The following NCKAP1 variants were observed in gnomAD, a reference collection of about 807,000 sequenced individuals.
NCKAP1 encodes the protein nck-associated protein 1.
Under a neutral mutation model 151.2 loss-of-function variants are expected in NCKAP1, and 21 were observed. The observed-to-expected ratio is 0.14, with a 90% confidence interval of 0.10 to 0.20. The LOEUF is 0.20. Ranked by LOEUF, NCKAP1 falls within the 10% of genes least tolerant of loss-of-function variation. The pLI, the probability that NCKAP1 is intolerant of heterozygous loss-of-function variation, is 1.00. For missense variants in NCKAP1, 933 were observed against 1,352.1 expected (o/e 0.69, Z 4.86); for synonymous variants, 484 against 451.8 (o/e 1.07, Z -0.90).
intron 6 of NCKAP1, among the ~76,000 whole-genome samples, chr2:182,996,913 C>T (rs953547427): frequency 9.8e-5 from 15 of 152,302 alleles, no homozygotes; most frequent in African/African-American, 2.4e-4. Context: ...GTGATTCTGA[C>T]GTAGCCAACT....
rs182395532 is a variant in NCKAP1 at position 183,030,940 on chromosome 2, G to A, written c.109-7024C>T. ...GTTATGATGTATATTTTGGCCAACC[G>A]ATCTGCTTTAAGTTAGCACTTTCCC... is the stretch of plus-strand genomic sequence containing the variant. On this transcript the variant is annotated intron_variant, in intron 1 of 30. Coordinates refer to ENST00000361354, the MANE Select transcript of NCKAP1 (RefSeq NM_013436.5). Among the ~76,000 whole-genome samples the A allele has an allele frequency of 1.1e-4, 17 of 152,130 alleles. No individual in the cohort carries two copies. The East Asian group carries it at 2.1e-3, about 19-fold the overall frequency.
intron 6 of NCKAP1, among the ~76,000 whole-genome samples, chr2:183,000,659 T>C (rs1405154933): frequency 6.6e-6 from 1 of 152,200 alleles, no homozygotes; most frequent in Non-Finnish European, 1.5e-5. Flanking sequence ...TGCAAACTAA[T>C]GATTCAACCA....
intron 19 of NCKAP1, 42 bp from the exon 20 acceptor site, chr2:182,956,635 C>A (rs1459765299): frequency 6.4e-7 from 1 of 1,553,302 alleles, no homozygotes; most frequent in Non-Finnish European, 8.7e-7. Context: ...CACATGTCAT[C>A]ACAGGCAATA....
In NCKAP1 at chr2:182,916,147, T is replaced by G. The variant is rs1051987992; in HGVS notation, c.*9555A>C. 6.9e-6 allele frequency: 1 copy of G among 144,934 alleles called. No individual in the cohort carries two copies. Among genetic ancestry groups the G allele is most frequent in the African/African-American group, 2.5e-5 (1 of 39,254 alleles). 9.0% of individuals were successfully genotyped at this position (144,934 alleles called of 1,614,324 possible). On this transcript the variant is annotated 3_prime_UTR_variant, in exon 31 of 31. Transcript: ENST00000361354. ...TTCCCTCTGCCATGTAAGAAGTACC[T>G]TGCTTCCCCTTCGCCTTCTGTCAAA...
intron 8 of NCKAP1, among the ~76,000 whole-genome samples, chr2:182,992,382 G>A (rs780582384): frequency 4.1e-4 from 62 of 152,258 alleles, no homozygotes; most frequent in Middle Eastern, 3.4e-3. Context: ...CCCATTAGGG[G>A]AGCCTGCTTC....
chr2:182,956,166 G>A (rs1372391852), intron 20 of NCKAP1, among the ~76,000 whole-genome samples: 3 of 152,046 alleles, frequency 2.0e-5, no homozygotes, highest in South Asian at 2.1e-4. Flanking sequence ...TCAGCCTCCC[G>A]AGTAGCTGGG....
intron 15 of NCKAP1, among the ~76,000 whole-genome samples, chr2:182,976,238 T>C (rs898517098): frequency 6.6e-6 from 1 of 152,240 alleles, no homozygotes; most frequent in Admixed American, 6.5e-5. Flanking sequence ...ACCAAGGTGT[T>C]AGGCTTGCAT....
Position 182,974,891 on chromosome 2 carries a change from A to G in NCKAP1, c.1482+2002T>C, listed in dbSNP as rs114404933. Among the ~76,000 whole-genome samples, 487 of 152,326 alleles carry G rather than the reference A, an allele frequency of 3.2e-3. 3 individuals carry two copies. The highest frequency in any genetic ancestry group is 0.011 in the African/African-American group (465 of 41,580). ...CTTAAAAAACTTTAAAAATCTACACATAGGAATAATCAGGTCTACATTCTT... is the reference window on the plus strand; with the variant it reads ...CTTAAAAAACTTTAAAAATCTACACGTAGGAATAATCAGGTCTACATTCTT... On this transcript the variant is annotated intron_variant, in intron 15 of 30. Coordinates refer to ENST00000361354, the MANE Select transcript of NCKAP1 (RefSeq NM_013436.5).
chr2:182,952,699 T>C (rs557909887), intron 22 of NCKAP1, 94 bp downstream of exon 22: 16 of 1,330,848 alleles, frequency 1.2e-5, no homozygotes, highest in South Asian at 1.1e-4. Flanking sequence ...TTGAATGAAA[T>C]AGTCACAACA....
At chr2:182,962,076 A>C in intron 18 of NCKAP1, 83 bp downstream of exon 18, 1 of 1,398,870 alleles carries the variant, frequency 7.1e-7, no homozygotes, top group Admixed American at 2.1e-5. Context: ...AAAGAATGGA[A>C]AGTAAAACAA....
intron 1 of NCKAP1, among the ~76,000 whole-genome samples, chr2:183,032,640 C>A (rs2675051): frequency 0.33 from 49,744 of 152,024 alleles, 11,393 homozygotes; most frequent in African/African-American, 0.65. Context: ...TCCATCATTT[C>A]AGTGTTATGT....
At chr2:182,958,522 C>A (rs1697371826) in intron 18 of NCKAP1, among the ~76,000 whole-genome samples, 1 of 151,986 alleles carries the variant, frequency 6.6e-6, no homozygotes. Flanking sequence ...AACAGAGCTG[C>A]TAGAAATAGT....
chr2:182,952,354 G>A, intron 23 of NCKAP1, 51 bp downstream of exon 23: 2 of 1,203,032 alleles, frequency 1.7e-6, no homozygotes, highest in Non-Finnish European at 2.4e-6. Flanking sequence ...TCCCTGAAAT[G>A]TTTTTCAGGA....
chr2:182,953,857 A>G (rs967767399), intron 20 of NCKAP1, among the ~76,000 whole-genome samples: 2 of 152,152 alleles, frequency 1.3e-5, no homozygotes, highest in Non-Finnish European at 2.9e-5. Flanking sequence ...ATGATTAAAA[A>G]CATTCTAAGT....
chr2:182,949,326 A>G (rs1697168284), intron 23 of NCKAP1, among the ~76,000 whole-genome samples: 2 of 152,192 alleles, frequency 1.3e-5, no homozygotes, highest in Admixed American at 1.3e-4. Flanking sequence ...CTGTGGTGCT[A>G]GACAGACTGA....
intron 6 of NCKAP1, 63 bp from the exon 7 acceptor site, chr2:182,995,901 G>T: frequency 2.2e-6 from 3 of 1,346,380 alleles, no homozygotes; most frequent in Non-Finnish European, 3.1e-6. Context: ...TTACATTGCA[G>T]CTATAATTGC....
At chr2:183,003,956 T>C (rs1311242749) in intron 2 of NCKAP1, among the ~76,000 whole-genome samples, 1 of 152,186 alleles carries the variant, frequency 6.6e-6, no homozygotes, top group Non-Finnish European at 1.5e-5. Context: ...ATCAACTGTA[T>C]AATTAAATTT....
rs371965811 is a variant in NCKAP1 at position 182,994,748 on chromosome 2, T to TA, written c.790+90dup. 4.2e-4 allele frequency: 437 copies of TA among 1,039,416 alleles called. 3 individuals are homozygous for TA. The South Asian group carries it at 5.8e-3, about 14-fold the overall frequency. The allele number at this position is 1,039,416 out of a possible 1,614,324, so 64.4% of individuals were successfully genotyped here. A position where few individuals can be genotyped will look rare whatever the true frequency, so the allele number is the denominator to read the frequency against. On this transcript the variant is annotated intron_variant, in intron 8 of 30. Transcript: ENST00000361354. Reference sequence around the variant, plus strand: ...GGACATAGATGGGTTAGCACAATGCTAAGCACAGAGGTAGTAACCATGTCA... The same window carrying TA: ...GGACATAGATGGGTTAGCACAATGCTAAAGCACAGAGGTAGTAACCATGTCA...
At chr2:182,967,093 C>T in intron 16 of NCKAP1, 123 bp downstream of exon 16, 3 of 852,482 alleles carry the variant, frequency 3.5e-6, no homozygotes, top group Non-Finnish European at 5.1e-6. Flanking sequence ...TCCACTATTC[C>T]CTTTATTCTT....
Sources: gnomAD v4.1 joint callset for allele counts (sites outside exome capture counted in the v4.1 genomes callset) on GRCh38, gnomAD v4.1.1 for gene constraint, MANE v1.5 for transcripts, NCBI Gene and HGNC (gene_info 2026-07-23, HGNC 2026-07-21) for gene names.